RFX4: variants seen among roughly 807,000 people sequenced by gnomAD.
RFX4 encodes regulatory factor X4, also known as transcription factor RFX4.
Under a neutral mutation model 95.0 loss-of-function variants are expected in RFX4, and 10 were observed. The ratio of observed to expected loss-of-function variants is 0.11; its 90% CI spans 0.06 to 0.18. The LOEUF is 0.18. Ranked by LOEUF, RFX4 falls within the 10% of genes least tolerant of loss-of-function variation. The pLI is 1.00. For missense variants in RFX4, 640 were observed against 922.0 expected (o/e 0.69, Z 3.96); for synonymous variants, 321 against 340.7 (o/e 0.94, Z 0.64).
chr12:106,747,666 C>T, intron 16 of RFX4, 67 bp downstream of exon 16: 1 of 1,550,844 alleles, frequency 6.4e-7, no homozygotes, highest in Non-Finnish European at 8.8e-7. Flanking sequence ...GGCACAGCAG[C>T]TCACACCCTG....
intron 2 of RFX4, among the ~76,000 whole-genome samples, chr12:106,637,620 A>G (rs1203390326): frequency 1.3e-5 from 2 of 152,014 alleles, no homozygotes; most frequent in East Asian, 3.9e-4. Context: ...CTTGGGCCAA[A>G]TTTTGTGGGT....
chr12:106,647,334 C>T (rs1173159514), intron 3 of RFX4, among the ~76,000 whole-genome samples: 1 of 152,186 alleles, frequency 6.6e-6, no homozygotes, highest in Non-Finnish European at 1.5e-5. Context: ...TGTGGACAAG[C>T]CACTTTACTT....
chr12:106,637,815 G>C (rs1330807623), intron 2 of RFX4, among the ~76,000 whole-genome samples: 2 of 152,112 alleles, frequency 1.3e-5, no homozygotes, highest in East Asian at 3.8e-4. Flanking sequence ...GGTCATGTGA[G>C]CTAAATCTGG....
chr12:106,668,229 T>G (rs2041215058), intron 4 of RFX4, among the ~76,000 whole-genome samples: 1 of 152,086 alleles, frequency 6.6e-6, no homozygotes, highest in Non-Finnish European at 1.5e-5. Context: ...TGGTCCAAAA[T>G]GACTGCTAGA....
At chr12:106,648,146 A>G (rs1365673128) in intron 3 of RFX4, among the ~76,000 whole-genome samples, 2 of 152,208 alleles carry the variant, frequency 1.3e-5, no homozygotes, top group African/African-American at 4.8e-5. Flanking sequence ...CAGGGAGGAA[A>G]GGATGAAGAA....
chr12:106,606,872 C>T (rs150723995), intron 1 of RFX4, among the ~76,000 whole-genome samples: 5 of 152,306 alleles, frequency 3.3e-5, no homozygotes, highest in South Asian at 2.1e-4. Flanking sequence ...TACTCGTCCG[C>T]GTGGCTTCTT....
At chr12:106,670,274 A>G (rs1337262772) in intron 4 of RFX4, among the ~76,000 whole-genome samples, 1 of 152,116 alleles carries the variant, frequency 6.6e-6, no homozygotes, top group African/African-American at 2.4e-5. Context: ...GCCCTCTCTT[A>G]TTATCATCTT....
chr12:106,723,648 A>C (rs1203716189), intron 13 of RFX4, among the ~76,000 whole-genome samples: 1 of 152,166 alleles, frequency 6.6e-6, no homozygotes, highest in Non-Finnish European at 1.5e-5. Context: ...CCATGTGGGC[A>C]TGTGTCAGGG....
rs879339822 is a variant in RFX4, at chr12:106,747,327, T to C, written c.1634-110T>C. On this transcript the variant is annotated intron_variant, in intron 15 of 17. Coordinates refer to ENST00000392842, the MANE Select transcript of RFX4 (RefSeq NM_213594.3). The stretch of plus-strand genomic sequence containing the variant: ...TCAGCAGAGTCAGAGATACATGTCT[T>C]ATAAAGATTTTGGCCTTCAACTTAA... 2.4e-5 allele frequency: 28 copies of C among 1,177,012 alleles called. 1 individual carries two copies. The highest frequency in any genetic ancestry group is 3.3e-5 in the Non-Finnish European group (27 of 823,348). The allele number at this position is 1,177,012 out of a possible 1,614,324, so 72.9% of individuals were successfully genotyped here.
chr12:106,743,933 A>C (rs2042850294), intron 15 of RFX4, among the ~76,000 whole-genome samples: 1 of 152,150 alleles, frequency 6.6e-6, no homozygotes. Flanking sequence ...TTCCAACTCT[A>C]AACTTTGTTT....
rs115861397 is a variant in RFX4 at position 106,598,962 on chromosome 12, T to A, written c.44-9835T>A. Among the ~76,000 whole-genome samples the A allele has an allele frequency of 6.4e-3, 978 of 152,326 alleles. 13 individuals are homozygous for A. The highest frequency in any genetic ancestry group is 0.023 in the African/African-American group (948 of 41,570). On this transcript the variant is annotated intron_variant, in intron 1 of 17. Coordinates refer to ENST00000392842, the MANE Select transcript of RFX4 (RefSeq NM_213594.3). Reference sequence around the variant, plus strand: ...GAGGGAAAATGAAATTTTTACAACCTGGTTATGCAATAATGTACATTAATG... The same window carrying A: ...GAGGGAAAATGAAATTTTTACAACCAGGTTATGCAATAATGTACATTAATG...
In RFX4 at chr12:106,720,749, T is replaced by G. The variant is rs1467398422; in HGVS notation, c.1234-10T>G. ...GTCGACCACTATTAAAGCCATTTAC[T>G]TTCTTGTAGGTGGCTGCCAAGAGAC... On this transcript the variant is annotated splice_polypyrimidine_tract_variant and intron_variant, in intron 12 of 17. Transcript: ENST00000392842. This position sits in a 1 kb window ranked among gnomAD's most constrained non-coding sequence, Gnocchi z 4.2. The G allele has an allele frequency of 1.9e-6, 3 of 1,612,510 alleles. No homozygotes were observed. Among genetic ancestry groups the G allele is most frequent in the Non-Finnish European group, 2.5e-6 (3 of 1,178,754 alleles).
intron 2 of RFX4, among the ~76,000 whole-genome samples, chr12:106,631,747 G>A (rs575204797): frequency 1.3e-5 from 2 of 152,344 alleles, no homozygotes; most frequent in East Asian, 3.9e-4. Context: ...CCAGTCTGTG[G>A]TATTTTGTTA....
chr12:106,616,899 T>G (rs2040084131), intron 2 of RFX4, among the ~76,000 whole-genome samples: 2 of 151,970 alleles, frequency 1.3e-5, no homozygotes, highest in African/African-American at 4.8e-5. Flanking sequence ...TAGCTGGGAC[T>G]ACAGGTGTGC....
Position 106,747,609 on chromosome 12 carries a change from T to C in RFX4, c.1796+10T>C. 2 of 1,611,764 alleles carry C rather than the reference T, an allele frequency of 1.2e-6. No homozygotes were observed. Among genetic ancestry groups the C allele is most frequent in the Non-Finnish European group, 8.5e-7 (1 of 1,178,398 alleles). ...ACAGAGAGGAACATGGGTAGGTAAC[T>C]TTCCAGGGATGCTGCTGGACTTTTA... On this transcript the variant is annotated intron_variant, in intron 16 of 17. Coordinates refer to ENST00000392842, the MANE Select transcript of RFX4 (RefSeq NM_213594.3).
At chr12:106,601,166 ACCCCCTGGAGAGG>A in intron 1 of RFX4, 1 of 1,490,928 alleles carries the variant, frequency 6.7e-7, no homozygotes, top group East Asian at 2.5e-5. Flanking sequence ...GACCTGAGCC[ACCCCCTGGAGAGG>A]CCACAGCTGC....
In RFX4 at chr12:106,586,205, C is replaced by T. The variant is rs2039455490; in HGVS notation, c.43+2842C>T. On this transcript the variant is annotated intron_variant, in intron 1 of 17. Transcript: ENST00000392842. This position sits in a 1 kb window ranked among gnomAD's most constrained non-coding sequence, Gnocchi z 5.6. ...CAGGCGCGCGCAGGGGCAGTCGACGCACCTTCTGGCCGGTGCGCGGTTTGC... is the reference window on the plus strand; with the variant it reads ...CAGGCGCGCGCAGGGGCAGTCGACGTACCTTCTGGCCGGTGCGCGGTTTGC... 6.6e-6 allele frequency among the ~76,000 whole-genome samples: 1 copy of T among 152,132 alleles called. No individual in the cohort carries two copies. Among genetic ancestry groups the T allele is most frequent in the Admixed American group, 6.5e-5 (1 of 15,288 alleles).
At chr12:106,622,933 T>C (rs1171164503) in intron 2 of RFX4, among the ~76,000 whole-genome samples, 2 of 151,920 alleles carry the variant, frequency 1.3e-5, no homozygotes, top group African/African-American at 4.8e-5. Flanking sequence ...ATTGCATTTT[T>C]TCCCCCTAGC....
At chr12:106,666,125 G>C (rs923076182) in intron 4 of RFX4, among the ~76,000 whole-genome samples, 8 of 151,948 alleles carry the variant, frequency 5.3e-5, no homozygotes, top group African/African-American at 1.9e-4. Flanking sequence ...TACTACTTCA[G>C]TTTTGAAGGA....
Sources: allele counts gnomAD v4.1 joint callset (sites outside exome capture counted in the v4.1 genomes callset), GRCh38; gene constraint gnomAD v4.1.1; non-coding constraint Gnocchi (gnomAD v3.1); transcripts MANE v1.5; gene names NCBI Gene and HGNC (gene_info 2026-07-23, HGNC 2026-07-21).